The following SMCO3 variants were observed in gnomAD, a reference collection of about 807,000 sequenced individuals.
SMCO3 encodes the protein single-pass membrane and coiled-coil domain-containing protein 3.
Under a neutral mutation model 12.0 loss-of-function variants are expected in SMCO3, and 6 were observed. The observed-to-expected ratio is 0.50, with a 90% CI of 0.27 to 0.99. The LOEUF (loss-of-function observed/expected upper bound fraction) is 0.99, where lower values mean the gene tolerates loss of function less well. Among genes scored for constraint, SMCO3 ranks in the 50% least tolerant of loss-of-function variants. SMCO3 has a pLI of 0.11. For missense variants in SMCO3, 279 were observed against 265.0 expected, an observed-to-expected ratio of 1.05 and a Z score of -0.37; for synonymous variants, 96 against 96.4, an observed-to-expected ratio of 1.00 and a Z score of 0.02.
At chr12:14,810,824 C>T (rs1045777810) in intron 1 of SMCO3, among the ~76,000 whole-genome samples, 3 of 152,156 alleles carry the variant, frequency 2.0e-5, no homozygotes, top group African/African-American at 4.8e-5. Flanking sequence ...TTGCCCTTAA[C>T]AATTTAGTTC....
In SMCO3 at chr12:14,806,654, T is replaced by C; in HGVS notation, c.27A>G (p.Pro9=). 2 of 1,600,822 alleles carry C rather than the reference T, an allele frequency of 1.2e-6. No individual in the cohort carries two copies. Among genetic ancestry groups the C allele is most frequent in the Non-Finnish European group, 1.7e-6 (2 of 1,175,272 alleles). ...CTTCTTCCCGCCTTTTTGGGTTCTC[T>C]GGGTAAAGGAAGTCACTTTGGGCCA... MAQSDFLY[P]ENPKRREEVN... is the part of the protein sequence containing the mutation. Residue 9 remains proline, a synonymous_variant, in exon 2 of 2, where the codon CCA becomes CCG. Coordinates refer to ENST00000316048, the MANE Select transcript of SMCO3 (RefSeq NM_001013698.2).
At chr12:14,807,548 C>T (rs1404958241) in intron 1 of SMCO3, among the ~76,000 whole-genome samples, 2 of 152,160 alleles carry the variant, frequency 1.3e-5, no homozygotes, top group Admixed American at 1.3e-4. Context: ...ATTCAAGTCA[C>T]TTTATATATC....
Position 14,806,202 on chromosome 12 carries a change from A to C in SMCO3, c.479T>G (p.Leu160Arg), listed in dbSNP as rs539521431. The change falls in exon 2 of 2, where the codon CTT (leucine) becomes CGT (arginine). Residue 160 changes from leucine to arginine, a missense_variant. Transcript: ENST00000316048. ...AAGAACAGCAACTCCAATACTACCA[A>C]GGAGAGAAGCACCAATTTGAGCTAA... ...TVLAQIGASLLGSIGVAVLGL... is the reference protein window; with the variant it reads ...TVLAQIGASLRGSIGVAVLGL... 1 of 1,614,202 alleles carries C rather than the reference A, an allele frequency of 6.2e-7. No individual in the cohort carries two copies. The highest frequency in any genetic ancestry group is 1.7e-5 in the Admixed American group (1 of 60,024).
Position 14,806,053 on chromosome 12 carries a change from T to A in SMCO3, c.628A>T (p.Asn210Tyr), listed in dbSNP as rs776383564. The change falls in exon 2 of 2, where the codon AAT becomes TAT. Residue 210 changes from asparagine (N) to tyrosine (Y), a missense_variant. Coordinates refer to ENST00000316048, the MANE Select transcript of SMCO3 (RefSeq NM_001013698.2). ...TTGATGACCTCAGTAATGGCATGATTATATTTTTCTGAGGCTGATTTGAAC... is the reference window on the plus strand; with the variant it reads ...TTGATGACCTCAGTAATGGCATGATAATATTTTTCTGAGGCTGATTTGAAC... ...VEFKSASEKYNHAITEVINTV... is the reference protein window; with the variant it reads ...VEFKSASEKYYHAITEVINTV... The A allele has an allele frequency of 1.9e-6, 3 of 1,614,210 alleles. No homozygotes were observed. In the Middle Eastern group the frequency reaches 4.9e-4, roughly 266 times the overall value.
chr12:14,806,684 T>G lies in SMCO3; in HGVS notation c.-4A>C. On this transcript the variant is annotated 5_prime_UTR_variant, in exon 2 of 2. Coordinates refer to ENST00000316048, the MANE Select transcript of SMCO3 (RefSeq NM_001013698.2). Reference sequence around the variant, plus strand: ...AAAGGAAGTCACTTTGGGCCATATTTCCAATATGATCGCTGAAAAATAAAA... The same window carrying G: ...AAAGGAAGTCACTTTGGGCCATATTGCCAATATGATCGCTGAAAAATAAAA... The G allele has an allele frequency of 6.4e-7, 1 of 1,565,220 alleles. No individual in the cohort carries two copies. The highest frequency in any genetic ancestry group is 8.6e-7 in the Non-Finnish European group (1 of 1,161,048).
chr12:14,805,020 A>G lies in SMCO3; in HGVS notation c.*983T>C, dbSNP rs935157061. The G allele has an allele frequency of 6.6e-6, 1 of 152,256 alleles. No individual in the cohort carries two copies. Among genetic ancestry groups the G allele is most frequent in the African/African-American group, 2.4e-5 (1 of 41,470 alleles). The allele number at this position is 152,256 out of a possible 1,614,324, so 9.4% of individuals were successfully genotyped here. ...AACACATCTGCAGAGATTCAGCGGA[A>G]CCATTAATAGGCTTCCATAGCCTTT... On this transcript the variant is annotated 3_prime_UTR_variant, in exon 2 of 2. Transcript: ENST00000316048.
chr12:14,812,127 T>C (rs1950149023), intron 1 of SMCO3, among the ~76,000 whole-genome samples: 1 of 152,214 alleles, frequency 6.6e-6, no homozygotes, highest in African/African-American at 2.4e-5. Context: ...TTTATTCACT[T>C]AACACTTTCC....
In SMCO3 at chr12:14,805,742, T is replaced by C. The variant is rs1315460915; in HGVS notation, c.*261A>G. The C allele has an allele frequency of 7.5e-5, 32 of 424,846 alleles. No homozygotes were observed. The highest frequency in any genetic ancestry group is 4.2e-6 in the Non-Finnish European group (1 of 240,304). The allele number at this position is 424,846 out of a possible 1,614,324, so 26.3% of individuals were successfully genotyped here. A position where few individuals can be genotyped will look rare whatever the true frequency, so the allele number is the denominator to read the frequency against. ...TCTACGATAGCATTTACCCCAATGT[T>C]GATCTGGTAGAGCAGGGTGTGAAAA... is the stretch of plus-strand genomic sequence containing the variant. On this transcript the variant is annotated 3_prime_UTR_variant, in exon 2 of 2. Coordinates refer to ENST00000316048, the MANE Select transcript of SMCO3 (RefSeq NM_001013698.2).
chr12:14,807,745 GATT>G (rs1312718699), intron 1 of SMCO3, among the ~76,000 whole-genome samples: 2 of 152,090 alleles, frequency 1.3e-5, no homozygotes, highest in Non-Finnish European at 2.9e-5. Context: ...ATAATCATGT[GATT>G]ATTCTCCATT....
At chr12:14,809,944 G>A (rs949319258) in intron 1 of SMCO3, among the ~76,000 whole-genome samples, 3 of 152,162 alleles carry the variant, frequency 2.0e-5, no homozygotes, top group Admixed American at 6.5e-5. Context: ...GACATTGTAC[G>A]TTTTCAACTA....
chr12:14,808,686 T>G (rs1007153893), intron 1 of SMCO3, among the ~76,000 whole-genome samples: 1 of 152,234 alleles, frequency 6.6e-6, no homozygotes, highest in African/African-American at 2.4e-5. Context: ...TAACCATGTA[T>G]GTTGTTAGAT....
chr12:14,811,418 G>C (rs1218952958), intron 1 of SMCO3, among the ~76,000 whole-genome samples: 1 of 152,092 alleles, frequency 6.6e-6, no homozygotes, highest in African/African-American at 2.4e-5. Context: ...TTTGATGAGA[G>C]AGTTCTGTTG....
In SMCO3 at chr12:14,806,357, G is replaced by A. The variant is rs1431846422; in HGVS notation, c.324C>T (p.Asp108=). The change falls in exon 2 of 2, where the codon GAC becomes GAT. Residue 108 remains aspartate, a synonymous_variant. Transcript: ENST00000316048. ...KLQDIKEKET[D]KIAIVQKVIS... Reference sequence around the variant, plus strand: ...TAACCTTTTGCACTATTGCAATTTTGTCTGTTTCCTTTTCCTTAATATCCT... The same window carrying A: ...TAACCTTTTGCACTATTGCAATTTTATCTGTTTCCTTTTCCTTAATATCCT... The A allele has an allele frequency of 1.2e-6, 2 of 1,614,194 alleles. No homozygotes were observed. Among genetic ancestry groups the A allele is most frequent in the African/African-American group, 2.7e-5 (2 of 75,038 alleles).
chr12:14,812,341 G>A lies in SMCO3; in HGVS notation c.-17+1785C>T, dbSNP rs565940927. ...CGCCTGTAGTCCCAGCTACTTGGGA[G>A]GCTGAGGCAGGAGAATGGCATGAGC... On this transcript the variant is annotated intron_variant, in intron 1 of 1. Coordinates refer to ENST00000316048, the MANE Select transcript of SMCO3 (RefSeq NM_001013698.2). Among the ~76,000 whole-genome samples, 211 of 152,342 alleles carry A rather than the reference G, an allele frequency of 1.4e-3. 2 individuals are homozygous for A. Among genetic ancestry groups the A allele is most frequent in the African/African-American group, 4.8e-3 (199 of 41,582 alleles).
intron 1 of SMCO3, among the ~76,000 whole-genome samples, chr12:14,811,725 C>T (rs80143534): frequency 0.098 from 14,921 of 152,168 alleles, 965 homozygotes; most frequent in Admixed American, 0.22. Context: ...AAAGGAACTA[C>T]CTTACAAAAT....
At position 14,810,853 on chromosome 12, in the gene SMCO3, C is replaced by T. The variant is rs573146164; in HGVS notation, c.-17+3273G>A. ...TTAGTTCTGACTCCCAAAGTGATTA[C>T]TCCACTCAGCAAAACAAAAGCCCTG... On this transcript the variant is annotated intron_variant, in intron 1 of 1. Transcript: ENST00000316048. Among the ~76,000 whole-genome samples, 16 of 152,298 alleles carry T rather than the reference C, an allele frequency of 1.1e-4. No individual in the cohort carries two copies. The South Asian group carries it at 3.3e-3, about 32-fold the overall frequency.
rs144517774 is a variant in SMCO3, at chr12:14,810,590, A to C, written c.-17+3536T>G. 4.0e-3 allele frequency among the ~76,000 whole-genome samples: 610 copies of C among 152,340 alleles called. 12 individuals are homozygous for C. The highest frequency in any genetic ancestry group is 5.6e-3 in the East Asian group (29 of 5,192). ...CAAGTTGAAAGTAATATGTCGTACA[A>C]AATTAAAGGTACACTTGGTATTTGA... On this transcript the variant is annotated intron_variant, in intron 1 of 1. Transcript: ENST00000316048.
chr12:14,811,267 G>A (rs1007423180), intron 1 of SMCO3, among the ~76,000 whole-genome samples: 1 of 152,158 alleles, frequency 6.6e-6, no homozygotes, highest in Non-Finnish European at 1.5e-5. Context: ...GTGCCCTGGA[G>A]CAGCCCATTG....
intron 1 of SMCO3, among the ~76,000 whole-genome samples, 197 bp from the exon 2 acceptor site, chr12:14,806,893 G>A (rs772013645): frequency 6.6e-6 from 1 of 152,096 alleles, no homozygotes; most frequent in South Asian, 2.1e-4. Flanking sequence ...GTGCAGTGGT[G>A]CGATCTCAGC....
Sources: gnomAD v4.1 joint callset for allele counts (sites outside exome capture counted in the v4.1 genomes callset) on GRCh38, gnomAD v4.1.1 for gene constraint, MANE v1.5 for transcripts, NCBI Gene and HGNC (gene_info 2026-07-23, HGNC 2026-07-21) for gene names.